The following PKNOX2 variants were observed in gnomAD, a reference collection of about 807,000 sequenced individuals.
The protein encoded by PKNOX2 is homeobox protein PKNOX2.
In PKNOX2, 14 loss-of-function variants were observed where a neutral mutation model predicts 53.1. The observed-to-expected ratio is 0.26, with a 90% CI of 0.17 to 0.41. PKNOX2 has a LOEUF of 0.41. PKNOX2 is among the 10% of genes least tolerant of loss of function. The pLI, the probability that PKNOX2 is intolerant of heterozygous loss-of-function variation, is 1.00. For synonymous variants in PKNOX2, 257 were observed against 242.8 expected, an observed-to-expected ratio of 1.06 and a Z score of -0.54; for missense variants, 496 against 602.8, an observed-to-expected ratio of 0.82 and a Z score of 1.85.
chr11:125,383,754 T>C (rs556165644), intron 5 of PKNOX2, among the ~76,000 whole-genome samples: 2 of 152,314 alleles, frequency 1.3e-5, no homozygotes, highest in East Asian at 3.9e-4. Flanking sequence ...CAAGTATCCA[T>C]TGGCCTCATG....
At chr11:125,232,143 A>G (rs577334461) in intron 1 of PKNOX2, among the ~76,000 whole-genome samples, 90 of 152,244 alleles carry the variant, frequency 5.9e-4, no homozygotes, top group Non-Finnish European at 1.1e-3. Flanking sequence ...AGAGCAACAC[A>G]GTCCCCGTCT....
intron 7 of PKNOX2, among the ~76,000 whole-genome samples, chr11:125,399,338 A>G (rs956750113): frequency 6.6e-6 from 1 of 152,196 alleles, no homozygotes; most frequent in African/African-American, 2.4e-5. Context: ...ACTTTCCCTT[A>G]TGATCAAAAT....
At chr11:125,303,955 G>A (rs555134158) in intron 2 of PKNOX2, among the ~76,000 whole-genome samples, 1 of 152,340 alleles carries the variant, frequency 6.6e-6, no homozygotes, top group South Asian at 2.1e-4. Context: ...TGCATGGCCG[G>A]CCTGAGCTAG....
chr11:125,407,542 G>A (rs904051429), intron 7 of PKNOX2, among the ~76,000 whole-genome samples: 1 of 152,144 alleles, frequency 6.6e-6, no homozygotes, highest in Non-Finnish European at 1.5e-5. Flanking sequence ...TTCCAAACAA[G>A]GGATTGAGAA....
chr11:125,180,166 T>C (rs1956073831), intron 1 of PKNOX2, among the ~76,000 whole-genome samples: 1 of 152,236 alleles, frequency 6.6e-6, no homozygotes. Flanking sequence ...TGCTTGCTTT[T>C]TCAGATTTCC....
chr11:125,186,389 T>C (rs1203196113), intron 1 of PKNOX2, among the ~76,000 whole-genome samples: 2 of 152,222 alleles, frequency 1.3e-5, no homozygotes, highest in Non-Finnish European at 2.9e-5. Context: ...CAGTGGCTCA[T>C]GTCTGTAATC....
At chr11:125,281,243 T>C (rs1222655629) in intron 2 of PKNOX2, among the ~76,000 whole-genome samples, 1 of 152,176 alleles carries the variant, frequency 6.6e-6, no homozygotes, top group African/African-American at 2.4e-5. Context: ...CTGGAACGTA[T>C]ATGCGTGGTA....
chr11:125,420,406 G>GCC (rs1956113119), intron 10 of PKNOX2, among the ~76,000 whole-genome samples: 1 of 151,488 alleles, frequency 6.6e-6, no homozygotes, highest in South Asian at 2.1e-4. Context: ...GGCACCTATA[G>GCC]TCCCAGCTAC....
At chr11:125,317,048 C>T (rs1949240070) in intron 2 of PKNOX2, among the ~76,000 whole-genome samples, 1 of 152,228 alleles carries the variant, frequency 6.6e-6, no homozygotes, top group Admixed American at 6.5e-5. Flanking sequence ...ACAGTATCTT[C>T]ACCAGGAGGA....
Position 125,217,078 on chromosome 11 carries a change from CACAG to C in PKNOX2, c.-200-17965_-200-17962del, listed in dbSNP as rs1200799987. Among the ~76,000 whole-genome samples the C allele has an allele frequency of 5.3e-5, 8 of 151,950 alleles. 1 individual carries two copies. The South Asian group carries it at 1.5e-3, about 28-fold the overall frequency. ...ACACAAAGTCACACCCAGTCATACA[CACAG>C]AGTCACACTCACACACATGCATGAA... is the stretch of plus-strand genomic sequence containing the variant. On this transcript the variant is annotated intron_variant, in intron 1 of 12. Transcript: ENST00000298282.
intron 2 of PKNOX2, among the ~76,000 whole-genome samples, chr11:125,282,060 G>A (rs1422413807): frequency 6.6e-6 from 1 of 152,202 alleles, no homozygotes; most frequent in Non-Finnish European, 1.5e-5. Context: ...TCACTGAGCA[G>A]GGCTTTAGCC....
intron 1 of PKNOX2, among the ~76,000 whole-genome samples, chr11:125,214,028 AGAT>A (rs1426734170): frequency 1.3e-5 from 2 of 152,038 alleles, no homozygotes. Flanking sequence ...AAAAACCTGG[AGAT>A]GATATTATCT....
chr11:125,217,036 C>CACACAG (rs59108775), intron 1 of PKNOX2, among the ~76,000 whole-genome samples: 1 of 149,252 alleles, frequency 6.7e-6, no homozygotes, highest in African/African-American at 2.5e-5. Flanking sequence ...CACACACACA[C>CACACAG]AGTCTCTCTC....
rs748625502 is a variant in PKNOX2 at position 125,397,991 on chromosome 11, G to A, written c.517G>A (p.Asp173Asn). The A allele has an allele frequency of 3.7e-6, 6 of 1,614,104 alleles. No homozygotes were observed. The highest frequency in any genetic ancestry group is 2.2e-5 in the East Asian group (1 of 44,872). The change falls in exon 7 of 13, where the codon GAC becomes AAC. Residue 173 changes from aspartate (D) to asparagine (N), a missense_variant. Asp to Asn is a conservative substitution (Grantham distance 23). Coordinates refer to ENST00000298282, the MANE Select transcript of PKNOX2 (RefSeq NM_001382323.2). ...CTGCCTCAAAACCAAGATGCACAGC[G>A]ACAACCTGCTCAGGAATGATCTAGG... The part of the protein sequence containing the change: ...ITCLKTKMHS[D>N]NLLRNDLGGP...
In PKNOX2 at chr11:125,166,715, A is replaced by G. The variant is rs901218090; in HGVS notation, c.-201+1939A>G. Among the ~76,000 whole-genome samples, 15 of 152,094 alleles carry G rather than the reference A, an allele frequency of 9.9e-5. No homozygotes were observed. Among genetic ancestry groups the G allele is most frequent in the Non-Finnish European group, 2.9e-5 (2 of 68,016 alleles). ...GCTCAAACTCCAGTGCCCTGATTGG[A>G]GCCGCTTCCTGTGCTTACCCGCGCC... On this transcript the variant is annotated intron_variant, in intron 1 of 12. Coordinates refer to ENST00000298282, the MANE Select transcript of PKNOX2 (RefSeq NM_001382323.2). The surrounding 1 kb of genome is among the most constrained non-coding windows in gnomAD (Gnocchi z 4.0).
chr11:125,303,783 T>G (rs1390660563), intron 2 of PKNOX2, among the ~76,000 whole-genome samples: 1 of 152,046 alleles, frequency 6.6e-6, no homozygotes, highest in East Asian at 1.9e-4. Context: ...AAGAGGGCAC[T>G]CCCCCTTACC....
At chr11:125,410,068 G>T in intron 7 of PKNOX2, 128 bp from the exon 8 acceptor site, 1 of 1,290,368 alleles carries the variant, frequency 7.7e-7, no homozygotes, top group South Asian at 1.7e-5. Context: ...TCTGGACCTG[G>T]GTCTGGGGAG....
chr11:125,351,008 A>C (rs1445355630), intron 3 of PKNOX2, among the ~76,000 whole-genome samples: 1 of 151,850 alleles, frequency 6.6e-6, no homozygotes, highest in Non-Finnish European at 1.5e-5. Context: ...CACGTACAAC[A>C]GGCCGGAGCT....
At position 125,404,608 on chromosome 11, in the gene PKNOX2, CACAA is replaced by C. The variant is rs369549746; in HGVS notation, c.589-5584_589-5581del. ...TAAGGCACATTTGCGCGGGCACACA[CACAA>C]ACACACACATCACACACACACAAAC... is the stretch of plus-strand genomic sequence containing the variant. On this transcript the variant is annotated intron_variant, in intron 7 of 12. Coordinates refer to ENST00000298282, the MANE Select transcript of PKNOX2 (RefSeq NM_001382323.2). 2.9e-3 allele frequency among the ~76,000 whole-genome samples: 444 copies of C among 151,784 alleles called. 2 individuals carry two copies. Among genetic ancestry groups the C allele is most frequent in the African/African-American group, 9.3e-3 (384 of 41,348 alleles).
Sources: gnomAD v4.1 joint callset for allele counts (sites outside exome capture counted in the v4.1 genomes callset) on GRCh38, gnomAD v4.1.1 for gene constraint, Gnocchi (gnomAD v3.1) non-coding constraint, MANE v1.5 for transcripts, NCBI Gene and HGNC (gene_info 2026-07-23, HGNC 2026-07-21) for gene names.